The following RYR3 variants were observed in gnomAD, a reference collection of about 807,000 sequenced individuals.
RYR3 encodes brain ryanodine receptor-calcium release channel.
A neutral mutation model predicts 584.3 loss-of-function variants in RYR3; 207 were observed. The observed-to-expected ratio is 0.35, with a 90% CI of 0.32 to 0.40. The LOEUF (loss-of-function observed/expected upper bound fraction) is 0.40. RYR3 is among the 10% of genes least tolerant of loss of function. The pLI, the probability that RYR3 is intolerant of heterozygous loss-of-function variation, is 1.00. For synonymous variants in RYR3, 2,416 were observed against 2,248.5 expected, an observed-to-expected ratio of 1.07 and a Z score of -2.11; for missense variants, 5,616 against 6,089.2, an observed-to-expected ratio of 0.92 and a Z score of 2.59.
intron 60 of RYR3, among the ~76,000 whole-genome samples, chr15:33,759,622 C>T (rs1489906911): frequency 4.6e-5 from 7 of 152,084 alleles, no homozygotes; most frequent in Admixed American, 4.6e-4. Flanking sequence ...ACAAACAAAG[C>T]CTTCAAGAAA....
At chr15:33,807,762 G>A in intron 70 of RYR3, 193 bp downstream of exon 70, 1 of 607,852 alleles carries the variant, frequency 1.6e-6, no homozygotes, top group Non-Finnish European at 2.9e-6. Context: ...CTTGGAATGG[G>A]GAAGCCGGGG....
At chr15:33,669,844 G>GC (rs559746521) in intron 37 of RYR3, among the ~76,000 whole-genome samples, 2 of 40,854 alleles carry the variant, frequency 4.9e-5, no homozygotes, top group Non-Finnish European at 8.5e-5. Context: ...GTGTGTGTGT[G>GC]GGGGGGGGGG....
chr15:33,627,585 T>C (rs1309759896), intron 20 of RYR3, among the ~76,000 whole-genome samples: 1 of 152,158 alleles, frequency 6.6e-6, no homozygotes, highest in African/African-American at 2.4e-5. Flanking sequence ...GTGTGGTCTT[T>C]TGGGAGAATT....
chr15:33,789,650 ATATATATATTTTTTTTTTTTTTTTTT>A, intron 67 of RYR3, among the ~76,000 whole-genome samples: 1 of 25,342 alleles, frequency 3.9e-5, no homozygotes, highest in East Asian at 1.2e-3. Flanking sequence ...ATATATATAT[ATATATATATTTTTTTTTTTTTTTTTT>A]TTTTTTTTTT....
rs760566933 is a variant in RYR3 at position 33,649,167 on chromosome 15, G to A, written c.4074G>A (p.Lys1358=). ...CAGACTATCACTTGTACAGTGAAAA[G>A]TTTGACCTGAATAAAAACTGCACAG... ...VTPDYHLYSE[K]FDLNKNCTVT... is the part of the protein sequence containing the mutation. Residue 1358 remains lysine, a synonymous_variant, in exon 31 of 104, where the codon AAG becomes AAA. Coordinates refer to ENST00000634891, the MANE Select transcript of RYR3 (RefSeq NM_001036.6). 3.7e-6 allele frequency: 6 copies of A among 1,613,722 alleles called. No individual in the cohort carries two copies.
intron 67 of RYR3, among the ~76,000 whole-genome samples, chr15:33,795,189 G>C (rs2075522907): frequency 6.6e-6 from 1 of 152,076 alleles, no homozygotes; most frequent in Non-Finnish European, 1.5e-5. Flanking sequence ...TGCCACAGCA[G>C]TGTGTAAAGT....
intron 37 of RYR3, among the ~76,000 whole-genome samples, chr15:33,669,853 G>GGGTGT (rs2063722010): frequency 4.0e-4 from 16 of 40,142 alleles, no homozygotes; most frequent in African/African-American, 1.1e-3. Flanking sequence ...TGGGGGGGGG[G>GGGTGT]GGGGGTGTGG....
At chr15:33,846,429 A>G (rs1391299468) in intron 93 of RYR3, among the ~76,000 whole-genome samples, 7 of 152,110 alleles carry the variant, frequency 4.6e-5, no homozygotes, top group Admixed American at 4.6e-4. Flanking sequence ...CTGTCATTCA[A>G]TTTTTGGTGT....
At chr15:33,787,982 A>C (rs540672784) in intron 66 of RYR3, among the ~76,000 whole-genome samples, 2 of 152,222 alleles carry the variant, frequency 1.3e-5, no homozygotes, top group African/African-American at 2.4e-5. Flanking sequence ...GGGGCTCCTC[A>C]TGGCCTGGAA....
intron 50 of RYR3, among the ~76,000 whole-genome samples, chr15:33,738,839 G>T (rs1221753374): frequency 6.6e-6 from 1 of 152,192 alleles, no homozygotes; most frequent in South Asian, 2.1e-4. Context: ...GAGGGAAAGT[G>T]ACTACCAGAG....
At position 33,412,942 on chromosome 15, in the gene RYR3, C is replaced by T. The variant is rs1437853839; in HGVS notation, c.52-60477C>T. On this transcript the variant is annotated intron_variant, in intron 1 of 103. Coordinates refer to ENST00000634891, the MANE Select transcript of RYR3 (RefSeq NM_001036.6). This position sits in a 1 kb window ranked among gnomAD's most constrained non-coding sequence, Gnocchi z 4.3. ...TCTGTTCAAGAAACTAGCCTATGTA[C>T]TCCATCTTTCTCTTTCTGTGCTCTT... Among the ~76,000 whole-genome samples, 1 of 151,706 alleles carries T rather than the reference C, an allele frequency of 6.6e-6. No individual in the cohort carries two copies. Among genetic ancestry groups the T allele is most frequent in the Non-Finnish European group, 1.5e-5 (1 of 68,030 alleles).
intron 1 of RYR3, among the ~76,000 whole-genome samples, chr15:33,403,073 T>C (rs1488593342): frequency 6.6e-6 from 1 of 152,252 alleles, no homozygotes; most frequent in Admixed American, 6.5e-5. Flanking sequence ...ATCTTTAATA[T>C]GAGGCAGTAG....
rs535849361 is a variant in RYR3 at position 33,469,088 on chromosome 15, G to A, written c.52-4331G>A. Among the ~76,000 whole-genome samples the A allele has an allele frequency of 2.0e-4, 30 of 152,336 alleles. No individual in the cohort carries two copies. The South Asian group carries it at 5.8e-3, about 29-fold the overall frequency. On this transcript the variant is annotated intron_variant, in intron 1 of 103. Coordinates refer to ENST00000634891, the MANE Select transcript of RYR3 (RefSeq NM_001036.6). Reference sequence around the variant, plus strand: ...AAACATATAGTGGGGGAGAAGGCATGCATGTAAGTAACACTGCAAAAAGTA... The same window carrying A: ...AAACATATAGTGGGGGAGAAGGCATACATGTAAGTAACACTGCAAAAAGTA...
chr15:33,853,530 C>G, intron 95 of RYR3, 25 bp from the exon 96 acceptor site: 1 of 1,610,940 alleles, frequency 6.2e-7, no homozygotes, highest in Non-Finnish European at 8.5e-7. Flanking sequence ...GTGGCCTGAG[C>G]TCACCCTGTC....
chr15:33,581,827 T>C (rs946154190), intron 14 of RYR3, among the ~76,000 whole-genome samples, 184 bp downstream of exon 14: 1 of 152,194 alleles, frequency 6.6e-6, no homozygotes, highest in Non-Finnish European at 1.5e-5. Context: ...TAGCAGCCAG[T>C]GGAAGCAGAT....
At chr15:33,792,523 A>G (rs2075224442) in intron 67 of RYR3, among the ~76,000 whole-genome samples, 1 of 152,176 alleles carries the variant, frequency 6.6e-6, no homozygotes, top group African/African-American at 2.4e-5. Flanking sequence ...CCAGTTCACC[A>G]TCATCGCTTC....
intron 19 of RYR3, among the ~76,000 whole-genome samples, chr15:33,613,954 C>A (rs1023734587): frequency 6.6e-6 from 1 of 152,118 alleles, no homozygotes; most frequent in Non-Finnish European, 1.5e-5. Flanking sequence ...CTTTGCTGTT[C>A]AAGTCTATGC....
intron 2 of RYR3, 114 bp downstream of exon 2, chr15:33,473,652 AT>A: frequency 9.5e-7 from 1 of 1,053,722 alleles, no homozygotes. Context: ...GGACACATTT[AT>A]TTTTTAAATG....
intron 42 of RYR3, among the ~76,000 whole-genome samples, chr15:33,705,101 T>TTCTCTCTC (rs10534581): frequency 0.055 from 7,750 of 142,064 alleles, 281 homozygotes; most frequent in Middle Eastern, 0.073. Flanking sequence ...CACACACTCT[T>TTCTCTCTC]TCTCTCTCTC....
Sources: gnomAD v4.1 joint callset for allele counts (sites outside exome capture counted in the v4.1 genomes callset) on GRCh38, gnomAD v4.1.1 for gene constraint, Gnocchi (gnomAD v3.1) non-coding constraint, MANE v1.5 for transcripts, NCBI Gene and HGNC (gene_info 2026-07-23, HGNC 2026-07-21) for gene names.